The following LUZP1 variants were observed in gnomAD, a reference collection of about 807,000 sequenced individuals.
LUZP1 encodes the protein filamin mechanobinding actin cross-linking protein.
LUZP1 carries 25 observed loss-of-function variants against 71.3 expected under a neutral mutation model. That is an observed-to-expected ratio of 0.35 (90% CI 0.26 to 0.49). The LOEUF (loss-of-function observed/expected upper bound fraction) is 0.49, where lower values mean the gene tolerates loss of function less well. Among genes scored for constraint, LUZP1 ranks in the 20% least tolerant of loss-of-function variants. LUZP1 has a pLI of 0.99. For synonymous variants in LUZP1, 481 were observed against 506.4 expected, an observed-to-expected ratio of 0.95 and a Z score of 0.67; for missense variants, 1,142 against 1,300.8, an observed-to-expected ratio of 0.88 and a Z score of 1.88.
At chr1:23,127,075 G>A (rs978027780) in intron 2 of LUZP1, among the ~76,000 whole-genome samples, 6 of 152,150 alleles carry the variant, frequency 3.9e-5, no homozygotes, top group African/African-American at 1.4e-4. Context: ...TCAGCCAAAC[G>A]CTTCCTGTCA....
At chr1:23,173,846 G>A (rs1476134556) in intron 1 of LUZP1, among the ~76,000 whole-genome samples, 4 of 152,228 alleles carry the variant, frequency 2.6e-5, no homozygotes, top group South Asian at 4.2e-4. Context: ...AGCCCATGCC[G>A]AGATGATTTT....
intron 2 of LUZP1, among the ~76,000 whole-genome samples, chr1:23,139,874 TG>T (rs1644289106): frequency 6.6e-6 from 1 of 151,174 alleles, no homozygotes; most frequent in Non-Finnish European, 1.5e-5. Context: ...CACTTGAGCC[TG>T]GGAGGCTGAG....
chr1:23,142,700 T>TACACACACAC (rs60316911), intron 2 of LUZP1, among the ~76,000 whole-genome samples: 10 of 104,338 alleles, frequency 9.6e-5, no homozygotes, highest in Non-Finnish European at 1.1e-4. Context: ...TATATATATA[T>TACACACACAC]ACACACACAC....
At chr1:23,164,962 T>C (rs1356928517) in intron 2 of LUZP1, among the ~76,000 whole-genome samples, 2 of 152,272 alleles carry the variant, frequency 1.3e-5, no homozygotes, top group Non-Finnish European at 2.9e-5. Flanking sequence ...TTAAATCTTT[T>C]GGTAACTTTT....
At chr1:23,131,539 C>A (rs892874052) in intron 2 of LUZP1, among the ~76,000 whole-genome samples, 1 of 152,172 alleles carries the variant, frequency 6.6e-6, no homozygotes, top group African/African-American at 2.4e-5. Context: ...ACCCCAGTGC[C>A]TAGCCTGGAA....
rs1255640937 is a variant in LUZP1 at position 23,094,446 on chromosome 1, A to G, written c.-119-66T>C. On this transcript the variant is annotated intron_variant, in intron 3 of 4. Coordinates refer to ENST00000302291, the Ensembl canonical transcript of LUZP1. The surrounding 1 kb of genome is among the most constrained non-coding windows in gnomAD (Gnocchi z 4.7). ...AAAACCTGCACGTTAGCTCCCAGTT[A>G]TAGAAAAGTGCTCCTATCTGTTCCT... The G allele has an allele frequency of 4.1e-6, 5 of 1,225,974 alleles. No homozygotes were observed. In the East Asian group the frequency reaches 1.4e-4, roughly 35 times the overall value. 75.9% of individuals were successfully genotyped at this position (1,225,974 alleles called of 1,614,324 possible). A position where few individuals can be genotyped will look rare whatever the true frequency, so the allele number is the denominator to read the frequency against.
chr1:23,105,154 T>C (rs1027919462), intron 3 of LUZP1, among the ~76,000 whole-genome samples: 2 of 152,134 alleles, frequency 1.3e-5, no homozygotes, highest in Non-Finnish European at 1.5e-5. Flanking sequence ...AGGGTGCTAT[T>C]GTAATAGTCA....
intron 2 of LUZP1, among the ~76,000 whole-genome samples, chr1:23,147,808 G>C (rs754160314): frequency 6.6e-6 from 1 of 152,036 alleles, no homozygotes; most frequent in Non-Finnish European, 1.5e-5. Flanking sequence ...ATCTTGAAAT[G>C]GGCATATGTT....
chr1:23,150,466 G>A (rs546382647), intron 2 of LUZP1, among the ~76,000 whole-genome samples: 1 of 152,248 alleles, frequency 6.6e-6, no homozygotes, highest in Admixed American at 6.5e-5. Context: ...TATGGGTTAG[G>A]AGATGGAAGA....
intron 2 of LUZP1, among the ~76,000 whole-genome samples, chr1:23,114,012 A>G (rs1263019880): frequency 6.6e-6 from 1 of 152,216 alleles, no homozygotes; most frequent in East Asian, 1.9e-4. Context: ...TTTTTAATTC[A>G]CTGAATGGGC....
At chr1:23,155,339 C>T (rs1442238312) in intron 2 of LUZP1, among the ~76,000 whole-genome samples, 1 of 152,184 alleles carries the variant, frequency 6.6e-6, no homozygotes, top group Non-Finnish European at 1.5e-5. Context: ...ACCTCATTTA[C>T]TTACAGGGCA....
intron 2 of LUZP1, among the ~76,000 whole-genome samples, chr1:23,142,772 G>T (rs983318074): frequency 4.7e-5 from 7 of 149,640 alleles, no homozygotes; most frequent in Admixed American, 4.0e-4. Context: ...AGCACCAGAG[G>T]GTTGGCACCC....
At chr1:23,170,256 T>C (rs1271367455) in intron 1 of LUZP1, among the ~76,000 whole-genome samples, 1 of 152,196 alleles carries the variant, frequency 6.6e-6, no homozygotes, top group Non-Finnish European at 1.5e-5. Context: ...GCTCAAGCTC[T>C]GATGCCAGAA....
At chr1:23,092,526 G>C in exon 4 of LUZP1, 1 of 1,614,184 alleles carries the variant, frequency 6.2e-7, no homozygotes, top group Non-Finnish European at 8.5e-7. Context: ...TTTGCCTTTA[G>C]AGAGCCCTTC....
chr1:23,110,933 C>G (rs1386247316), intron 2 of LUZP1, among the ~76,000 whole-genome samples: 1 of 152,132 alleles, frequency 6.6e-6, no homozygotes, highest in Non-Finnish European at 1.5e-5. Flanking sequence ...GGCACGGTGA[C>G]TCACGCCTGT....
Position 23,094,407 on chromosome 1 carries a change from C to T in LUZP1, c.-119-27G>A. The T allele has an allele frequency of 7.1e-7, 1 of 1,410,392 alleles. No individual in the cohort carries two copies. Among genetic ancestry groups the T allele is most frequent in the Non-Finnish European group, 9.2e-7 (1 of 1,087,584 alleles). The allele number at this position is 1,410,392 out of a possible 1,614,324, so 87.4% of individuals were successfully genotyped here. ...TACAAAAGGAAAGTAGAAAGCATGTCAGTCAGCAAATGTAAAACCTGCACG... is the reference window on the plus strand; with the variant it reads ...TACAAAAGGAAAGTAGAAAGCATGTTAGTCAGCAAATGTAAAACCTGCACG... On this transcript the variant is annotated intron_variant, in intron 3 of 4. Coordinates refer to ENST00000302291, the Ensembl canonical transcript of LUZP1. This position sits in a 1 kb window ranked among gnomAD's most constrained non-coding sequence, Gnocchi z 4.7.
chr1:23,147,482 A>G (rs556368258), intron 2 of LUZP1, among the ~76,000 whole-genome samples: 1 of 151,710 alleles, frequency 6.6e-6, no homozygotes, highest in South Asian at 2.1e-4. Flanking sequence ...ATGCTTTAAG[A>G]AAGTTGGCCA....
chr1:23,153,563 A>T (rs1417739398), intron 2 of LUZP1, among the ~76,000 whole-genome samples: 8 of 152,304 alleles, frequency 5.3e-5, no homozygotes, highest in African/African-American at 1.9e-4. Context: ...CATTTTAGTC[A>T]ATGGTATTTT....
chr1:23,120,743 ATAT>A (rs1332042716), intron 2 of LUZP1, among the ~76,000 whole-genome samples: 7 of 152,200 alleles, frequency 4.6e-5, no homozygotes, highest in Admixed American at 4.6e-4. Context: ...CCCCATAAGG[ATAT>A]TATCAAATTC....
Sources: gnomAD v4.1 joint callset for allele counts (sites outside exome capture counted in the v4.1 genomes callset) on GRCh38, gnomAD v4.1.1 for gene constraint, Gnocchi (gnomAD v3.1) non-coding constraint, MANE v1.5 for transcripts, NCBI Gene and HGNC (gene_info 2026-07-23, HGNC 2026-07-21) for gene names.